The following SLC35D2 variants were observed in gnomAD, a reference collection of about 807,000 sequenced individuals.
SLC35D2 encodes solute carrier family 35 member D2, also known as nucleotide sugar transporter SLC35D2.
Under a neutral mutation model 41.8 loss-of-function variants are expected in SLC35D2, and 43 were observed. That is an observed-to-expected ratio of 1.03 (90% CI 0.81 to 1.33). The LOEUF is 1.33. Among genes scored for constraint, SLC35D2 ranks in the 40% most tolerant of loss-of-function variants. The pLI is 0.00. For synonymous variants in SLC35D2, 150 were observed against 163.9 expected, an observed-to-expected ratio of 0.92 and a Z score of 0.65; for missense variants, 380 against 408.4, an observed-to-expected ratio of 0.93 and a Z score of 0.60.
intron 1 of SLC35D2, among the ~76,000 whole-genome samples, chr9:96,383,022 A>C (rs560102146): frequency 2.0e-5 from 3 of 152,324 alleles, no homozygotes; most frequent in Non-Finnish European, 4.4e-5. Context: ...ACTCCATATG[A>C]ACTTCCAATT....
At chr9:96,365,375 G>A (rs912708548) in intron 2 of SLC35D2, among the ~76,000 whole-genome samples, 1 of 151,748 alleles carries the variant, frequency 6.6e-6, no homozygotes, top group South Asian at 2.1e-4. Flanking sequence ...AAAAAAAAGT[G>A]TAATATCCAA....
intron 9 of SLC35D2, among the ~76,000 whole-genome samples, chr9:96,331,086 C>G (rs1353290399): frequency 6.6e-6 from 1 of 152,152 alleles, no homozygotes; most frequent in Non-Finnish European, 1.5e-5. Flanking sequence ...TTAGTAGAGA[C>G]AGGGTTTCGC....
chr9:96,380,763 G>A (rs951763874), intron 1 of SLC35D2, among the ~76,000 whole-genome samples: 3 of 151,852 alleles, frequency 2.0e-5, no homozygotes, highest in East Asian at 3.9e-4. Context: ...GTGAGCCACC[G>A]CGCCCGGCCT....
intron 9 of SLC35D2, among the ~76,000 whole-genome samples, chr9:96,331,121 C>T (rs1159610909): frequency 6.6e-6 from 1 of 152,264 alleles, no homozygotes; most frequent in East Asian, 1.9e-4. Flanking sequence ...TGATCTCGAA[C>T]GCCTGACCTC....
At chr9:96,367,580 C>T (rs903036074) in intron 2 of SLC35D2, among the ~76,000 whole-genome samples, 2 of 152,002 alleles carry the variant, frequency 1.3e-5, no homozygotes, top group African/African-American at 4.8e-5. Flanking sequence ...GTCAGGAGTT[C>T]GAGACCAGCC....
chr9:96,339,438 T>A (rs1394290409), intron 8 of SLC35D2, among the ~76,000 whole-genome samples: 4 of 152,254 alleles, frequency 2.6e-5, no homozygotes, highest in Non-Finnish European at 5.9e-5. Context: ...ATTTTAGTTT[T>A]ATTTCCTTAA....
downstream of SLC35D2, among the ~76,000 whole-genome samples, chr9:96,320,031 C>T (rs1323850519): frequency 2.0e-5 from 3 of 152,288 alleles, no homozygotes; most frequent in Non-Finnish European, 4.4e-5. Flanking sequence ...GGCTCTATCC[C>T]GCACTCCAGT....
chr9:96,381,398 C>G (rs1178909860), intron 1 of SLC35D2, among the ~76,000 whole-genome samples: 1 of 152,156 alleles, frequency 6.6e-6, no homozygotes, highest in Non-Finnish European at 1.5e-5. Context: ...ACTCTCAGAC[C>G]CCATCTGCTA....
Position 96,382,491 on chromosome 9 carries a change from ACACAC to A in SLC35D2, c.158+981_158+985del, listed in dbSNP as rs1258405712. Among the ~76,000 whole-genome samples the A allele has an allele frequency of 1.2e-4, 17 of 137,956 alleles. No individual in the cohort carries two copies. The South Asian group carries it at 2.4e-3, about 19-fold the overall frequency. 90.5% of individuals were successfully genotyped at this position (137,956 alleles called of 152,430 possible). A position where few individuals can be genotyped will look rare whatever the true frequency, so the allele number is the denominator to read the frequency against. On this transcript the variant is annotated intron_variant, in intron 1 of 11. Transcript: ENST00000253270. ...TACACACACACACACACACACACAC[ACACAC>A]TATATATATATATATATATATGCCT...
At chr9:96,341,036 C>T (rs1268021912) in intron 8 of SLC35D2, among the ~76,000 whole-genome samples, 1 of 152,112 alleles carries the variant, frequency 6.6e-6, no homozygotes, top group African/African-American at 2.4e-5. Flanking sequence ...CCTGTAATCC[C>T]AGCACTTTGG....
At chr9:96,380,772 C>CT (rs79934160) in intron 1 of SLC35D2, among the ~76,000 whole-genome samples, 107 of 147,922 alleles carry the variant, frequency 7.2e-4, no homozygotes, top group African/African-American at 1.1e-3. Context: ...CGCGCCCGGC[C>CT]TTTTTTTTTT....
At chr9:96,322,961 C>T (rs1462415669) in intron 10 of SLC35D2, among the ~76,000 whole-genome samples, 5 of 151,756 alleles carry the variant, frequency 3.3e-5, no homozygotes, top group African/African-American at 4.8e-5. Context: ...TCAGGTGATC[C>T]GCCTGCCTTG....
chr9:96,351,553 C>T (rs573684818), intron 5 of SLC35D2, among the ~76,000 whole-genome samples: 1 of 152,066 alleles, frequency 6.6e-6, no homozygotes, highest in Admixed American at 6.6e-5. Flanking sequence ...CTAAATAATC[C>T]TCCCAGCAAA....
At chr9:96,326,127 C>T (rs76972652) in intron 9 of SLC35D2, among the ~76,000 whole-genome samples, 256 of 152,252 alleles carry the variant, frequency 1.7e-3, no homozygotes, top group African/African-American at 5.9e-3. Flanking sequence ...AGAAGAGCGT[C>T]GAAGTCTGCA....
At chr9:96,315,764 A>G, downstream of SLC35D2, among the ~76,000 whole-genome samples, 1 of 152,176 alleles carries the variant, frequency 6.6e-6, no homozygotes, top group East Asian at 1.9e-4. Context: ...GCCATGGACC[A>G]CAATGGCAGT....
chr9:96,351,008 A>G, intron 6 of SLC35D2, 95 bp downstream of exon 6: 2 of 936,486 alleles, frequency 2.1e-6, no homozygotes. Context: ...TCAATTCAAC[A>G]GCAGCCAGAT....
chr9:96,376,642 G>T (rs1300397859), intron 1 of SLC35D2, among the ~76,000 whole-genome samples: 1 of 150,436 alleles, frequency 6.6e-6, no homozygotes, highest in Non-Finnish European at 1.5e-5. Flanking sequence ...GGAGGTTGGT[G>T]GGCGCCCATA....
intron 6 of SLC35D2, among the ~76,000 whole-genome samples, chr9:96,346,418 A>G (rs1178159024): frequency 6.6e-6 from 1 of 152,192 alleles, no homozygotes; most frequent in Non-Finnish European, 1.5e-5. Flanking sequence ...GTTTATGCAG[A>G]TGCATCTCAG....
chr9:96,316,505 G>A (rs1211428229), downstream of SLC35D2, among the ~76,000 whole-genome samples: 2 of 151,900 alleles, frequency 1.3e-5, no homozygotes, highest in African/African-American at 4.8e-5. Context: ...AAAAAAAAGG[G>A]GGGGAAGATG....
Sources: gnomAD v4.1 joint callset for allele counts (sites outside exome capture counted in the v4.1 genomes callset) on GRCh38, gnomAD v4.1.1 for gene constraint, MANE v1.5 for transcripts, NCBI Gene and HGNC (gene_info 2026-07-23, HGNC 2026-07-21) for gene names.